The following B3GALT1 variants were observed in gnomAD, a reference collection of about 807,000 sequenced individuals.
B3GALT1 encodes the protein UDP-Gal:betaGlcNAc beta 1,3-galactosyltransferase, polypeptide 1.
A neutral mutation model predicts 23.2 loss-of-function variants in B3GALT1; 10 were observed. That is an observed-to-expected ratio of 0.43 (90% confidence interval 0.27 to 0.73). The LOEUF (loss-of-function observed/expected upper bound fraction) is 0.73. Ranked by LOEUF, B3GALT1 falls within the 30% of genes least tolerant of loss-of-function variation. The probability of loss-of-function intolerance (pLI) is 0.21; values close to 1 mark genes in which losing one functional copy is unlikely to be tolerated. For missense variants in B3GALT1, 299 were observed against 405.4 expected, an observed-to-expected ratio of 0.74 and a Z score of 2.25; for synonymous variants, 156 against 141.5, an observed-to-expected ratio of 1.10 and a Z score of -0.73.
intron 2 of B3GALT1, among the ~76,000 whole-genome samples, chr2:167,531,420 T>C (rs1006419859): frequency 3.3e-5 from 5 of 152,200 alleles, no homozygotes; most frequent in Admixed American, 1.3e-4. Context: ...ACCCAAATGA[T>C]CAACCACCAG....
intron 1 of B3GALT1, among the ~76,000 whole-genome samples, chr2:167,440,227 C>T (rs1193272420): frequency 1.3e-5 from 2 of 151,284 alleles, no homozygotes; most frequent in African/African-American, 4.9e-5. Context: ...CCTGTAGTCC[C>T]AGCTACTCAG....
At chr2:167,764,402 G>C (rs1687942258) in intron 3 of B3GALT1, among the ~76,000 whole-genome samples, 1 of 152,142 alleles carries the variant, frequency 6.6e-6, no homozygotes, top group Admixed American at 6.6e-5. Context: ...CACAGCTGGG[G>C]AAAAGTTGCA....
chr2:167,414,042 A>T (rs1383139513), intron 1 of B3GALT1, among the ~76,000 whole-genome samples: 2 of 152,144 alleles, frequency 1.3e-5, no homozygotes, highest in Admixed American at 1.3e-4. Context: ...CTAAGGCCCC[A>T]TAACAAAAGA....
At chr2:167,610,202 T>A (rs1229906905) in intron 2 of B3GALT1, among the ~76,000 whole-genome samples, 1 of 152,050 alleles carries the variant, frequency 6.6e-6, no homozygotes, top group Non-Finnish European at 1.5e-5. Flanking sequence ...AATGGATGTA[T>A]TTTGTCTGTA....
chr2:167,372,495 A>G (rs1697702403), intron 1 of B3GALT1, among the ~76,000 whole-genome samples: 1 of 152,226 alleles, frequency 6.6e-6, no homozygotes, highest in African/African-American at 2.4e-5. Flanking sequence ...TGGAGACTCT[A>G]GCCAGTAATA....
chr2:167,741,225 C>A (rs1216358028), intron 3 of B3GALT1, among the ~76,000 whole-genome samples: 1 of 152,098 alleles, frequency 6.6e-6, no homozygotes, highest in Admixed American at 6.6e-5. Flanking sequence ...CTTTGTTAGT[C>A]ATTGAACCAA....
At chr2:167,847,589 G>A (rs547797261) in intron 4 of B3GALT1, among the ~76,000 whole-genome samples, 3 of 152,132 alleles carry the variant, frequency 2.0e-5, no homozygotes, top group Non-Finnish European at 2.9e-5. Context: ...AGCAAAAACG[G>A]TGCTAAGAGG....
At chr2:167,674,560 A>C (rs1177017299) in intron 3 of B3GALT1, among the ~76,000 whole-genome samples, 1 of 152,216 alleles carries the variant, frequency 6.6e-6, no homozygotes, top group East Asian at 1.9e-4. Context: ...GACTTAACTA[A>C]ATAGTCCATC....
At chr2:167,398,218 A>G (rs893130417) in intron 1 of B3GALT1, among the ~76,000 whole-genome samples, 6 of 152,094 alleles carry the variant, frequency 3.9e-5, no homozygotes, top group Non-Finnish European at 8.8e-5. Context: ...TGGTTATGCA[A>G]TTAATTGGAT....
chr2:167,510,765 C>T (rs1699992811), intron 2 of B3GALT1, among the ~76,000 whole-genome samples: 1 of 152,034 alleles, frequency 6.6e-6, no homozygotes, highest in South Asian at 2.1e-4. Context: ...CTCAATTTTG[C>T]ACAGTTTAAA....
chr2:167,440,139 C>T (rs921848436), intron 1 of B3GALT1, among the ~76,000 whole-genome samples: 1 of 151,642 alleles, frequency 6.6e-6, no homozygotes, highest in Admixed American at 6.6e-5. Context: ...GTCAGGAGAT[C>T]AAGACCATCC....
intron 3 of B3GALT1, among the ~76,000 whole-genome samples, chr2:167,730,926 A>G (rs1461744429): frequency 3.9e-5 from 6 of 152,214 alleles, no homozygotes; most frequent in African/African-American, 1.4e-4. Context: ...TCCAAATACT[A>G]TCTCAGTTAA....
chr2:167,342,925 G>A (rs892115313), intron 1 of B3GALT1, among the ~76,000 whole-genome samples: 11 of 152,164 alleles, frequency 7.2e-5, no homozygotes, highest in African/African-American at 2.4e-4. Context: ...GGAAAAAAGC[G>A]TAACAAATGC....
intron 4 of B3GALT1, among the ~76,000 whole-genome samples, chr2:167,830,717 T>A (rs925594841): frequency 2.0e-5 from 3 of 152,270 alleles, no homozygotes; most frequent in Admixed American, 2.0e-4. Context: ...AGTGCTTCCT[T>A]AACCCGTGTT....
intron 2 of B3GALT1, among the ~76,000 whole-genome samples, chr2:167,501,866 G>T (rs1699853418): frequency 6.6e-6 from 1 of 152,010 alleles, no homozygotes; most frequent in South Asian, 2.1e-4. Flanking sequence ...TTTGAGACAA[G>T]TACATGAATG....
intron 2 of B3GALT1, among the ~76,000 whole-genome samples, chr2:167,642,814 T>C (rs1319184032): frequency 6.6e-6 from 1 of 152,204 alleles, no homozygotes; most frequent in Non-Finnish European, 1.5e-5. Flanking sequence ...ACTTCATATT[T>C]TGTGCTCCTA....
At chr2:167,858,780 A>G (rs1690045893) in intron 4 of B3GALT1, among the ~76,000 whole-genome samples, 1 of 152,182 alleles carries the variant, frequency 6.6e-6, no homozygotes, top group African/African-American at 2.4e-5. Context: ...AATATTATAT[A>G]AAGGAACAAT....
intron 2 of B3GALT1, among the ~76,000 whole-genome samples, chr2:167,511,107 G>A (rs1003578149): frequency 6.6e-6 from 1 of 152,168 alleles, no homozygotes; most frequent in African/African-American, 2.4e-5. Context: ...AAGGATGTTT[G>A]TTGTAGTGTT....
At chr2:167,710,292 A>T (rs1041943232) in intron 3 of B3GALT1, among the ~76,000 whole-genome samples, 10 of 152,236 alleles carry the variant, frequency 6.6e-5, no homozygotes, top group African/African-American at 2.4e-4. Flanking sequence ...CTTATTGTGT[A>T]TGGCTTATGT....
Sources: allele counts gnomAD v4.1 joint callset (sites outside exome capture counted in the v4.1 genomes callset), GRCh38; gene constraint gnomAD v4.1.1; transcripts MANE v1.5; gene names NCBI Gene and HGNC (gene_info 2026-07-23, HGNC 2026-07-21).